ST6GALNAC3: variants seen among roughly 807,000 people sequenced by gnomAD.
The protein encoded by ST6GALNAC3 is ST6 N-acetylgalactosaminide alpha-2,6-sialyltransferase 3, also known as alpha-N-acetylgalactosaminide alpha-2,6-sialyltransferase 3.
Under a neutral mutation model 32.7 loss-of-function variants are expected in ST6GALNAC3, and 25 were observed. That is an observed-to-expected ratio of 0.76 (90% CI 0.56 to 1.07). ST6GALNAC3 has a LOEUF of 1.07. Ranked by LOEUF, ST6GALNAC3 falls within the 50% of genes least tolerant of loss-of-function variation. The pLI is 0.00. For missense variants in ST6GALNAC3, 355 were observed against 382.4 expected (o/e 0.93, Z 0.60); for synonymous variants, 129 against 133.1 (o/e 0.97, Z 0.21).
intron 1 of ST6GALNAC3, among the ~76,000 whole-genome samples, chr1:76,312,912 A>G (rs1570784502): frequency 6.6e-6 from 1 of 152,166 alleles, no homozygotes; most frequent in Admixed American, 6.5e-5. Context: ...CATATCTGTC[A>G]ATTAAAACAC....
chr1:76,083,059 C>T (rs759975219), intron 1 of ST6GALNAC3, among the ~76,000 whole-genome samples: 1 of 152,174 alleles, frequency 6.6e-6, no homozygotes, highest in Non-Finnish European at 1.5e-5. Flanking sequence ...AATTTATTGG[C>T]TGTGCATTTA....
chr1:76,135,024 C>A (rs1649850184), intron 1 of ST6GALNAC3, among the ~76,000 whole-genome samples: 1 of 152,014 alleles, frequency 6.6e-6, no homozygotes, highest in African/African-American at 2.4e-5. Context: ...CACCTGTAAT[C>A]CCAGCTACTT....
At chr1:76,624,083 G>T (rs1004408933) in intron 3 of ST6GALNAC3, among the ~76,000 whole-genome samples, 9 of 151,904 alleles carry the variant, frequency 5.9e-5, no homozygotes, top group Admixed American at 3.9e-4. Flanking sequence ...GAGGCATCAG[G>T]GAAAGGAACT....
chr1:76,605,151 G>A (rs1570426987), intron 3 of ST6GALNAC3, among the ~76,000 whole-genome samples: 1 of 152,182 alleles, frequency 6.6e-6, no homozygotes, highest in South Asian at 2.1e-4. Context: ...AACGTGTTAG[G>A]TTATACATGG....
intron 3 of ST6GALNAC3, among the ~76,000 whole-genome samples, chr1:76,455,129 C>G: frequency 6.6e-6 from 1 of 151,976 alleles, no homozygotes; most frequent in East Asian, 1.9e-4. Flanking sequence ...ACTACTTTTG[C>G]ATTTTCAGAT....
chr1:76,598,452 A>G (rs1265989630), intron 3 of ST6GALNAC3, among the ~76,000 whole-genome samples: 1 of 152,180 alleles, frequency 6.6e-6, no homozygotes, highest in Non-Finnish European at 1.5e-5. Flanking sequence ...CAAGGACTGG[A>G]ATATAGCTGA....
chr1:76,493,270 C>T (rs576156521), intron 3 of ST6GALNAC3, among the ~76,000 whole-genome samples: 1 of 152,266 alleles, frequency 6.6e-6, no homozygotes, highest in East Asian at 1.9e-4. Context: ...GTCCAAAAGA[C>T]ATGACTTACA....
intron 1 of ST6GALNAC3, among the ~76,000 whole-genome samples, chr1:76,290,820 C>T (rs1000684831): frequency 6.6e-6 from 1 of 152,182 alleles, no homozygotes; most frequent in Non-Finnish European, 1.5e-5. Context: ...GATGGATCAG[C>T]TGCTGTGTGT....
chr1:76,076,611 T>G (rs761304451), intron 1 of ST6GALNAC3, among the ~76,000 whole-genome samples: 1 of 152,254 alleles, frequency 6.6e-6, no homozygotes, highest in Non-Finnish European at 1.5e-5. Flanking sequence ...TGAAAAATAC[T>G]TTGTGGCACA....
intron 3 of ST6GALNAC3, among the ~76,000 whole-genome samples, chr1:76,564,402 C>A (rs1665422908): frequency 6.6e-6 from 1 of 152,028 alleles, no homozygotes; most frequent in Admixed American, 6.6e-5. Flanking sequence ...CAAGCTAGAT[C>A]CACCCTTGAA....
intron 1 of ST6GALNAC3, among the ~76,000 whole-genome samples, chr1:76,142,509 G>T (rs757496733): frequency 6.6e-6 from 1 of 152,154 alleles, no homozygotes; most frequent in African/African-American, 2.4e-5. Flanking sequence ...TTTCATGATA[G>T]GTGTGAAGTT....
At chr1:76,365,924 C>A (rs1235758116) in intron 2 of ST6GALNAC3, among the ~76,000 whole-genome samples, 1 of 152,174 alleles carries the variant, frequency 6.6e-6, no homozygotes, top group South Asian at 2.1e-4. Flanking sequence ...CCATCTCCTT[C>A]CAGTTCCTAC....
intron 3 of ST6GALNAC3, among the ~76,000 whole-genome samples, chr1:76,543,679 G>A (rs867369217): frequency 1.3e-5 from 2 of 151,984 alleles, no homozygotes; most frequent in Admixed American, 6.6e-5. Context: ...CAGAGAACTC[G>A]CCCACATTAG....
intron 2 of ST6GALNAC3, among the ~76,000 whole-genome samples, chr1:76,347,632 T>C (rs1648630639): frequency 1.3e-5 from 2 of 152,106 alleles, no homozygotes; most frequent in African/African-American, 4.8e-5. Flanking sequence ...CTGCTACTCC[T>C]GATGATATTG....
chr1:76,217,926 A>G (rs1324074871), intron 1 of ST6GALNAC3, among the ~76,000 whole-genome samples: 1 of 151,992 alleles, frequency 6.6e-6, no homozygotes, highest in African/African-American at 2.4e-5. Flanking sequence ...GCGGATGGAC[A>G]TTTGGGTTGG....
intron 3 of ST6GALNAC3, among the ~76,000 whole-genome samples, chr1:76,546,971 G>A (rs186909769): frequency 1.1e-4 from 16 of 152,306 alleles, no homozygotes; most frequent in African/African-American, 3.6e-4. Flanking sequence ...TAAAAGGATT[G>A]GATAGCTGTA....
At chr1:76,554,046 G>A (rs143743931) in intron 3 of ST6GALNAC3, among the ~76,000 whole-genome samples, 2 of 152,270 alleles carry the variant, frequency 1.3e-5, no homozygotes, top group East Asian at 3.9e-4. Flanking sequence ...TCAAGTATTT[G>A]TGAACCAAAT....
intron 1 of ST6GALNAC3, among the ~76,000 whole-genome samples, chr1:76,092,659 T>G (rs1029310025): frequency 6.6e-6 from 1 of 152,174 alleles, no homozygotes; most frequent in East Asian, 1.9e-4. Context: ...GGCCCCATGC[T>G]TGGTGTAATA....
intron 3 of ST6GALNAC3, among the ~76,000 whole-genome samples, chr1:76,428,381 C>T (rs972627609): frequency 6.6e-5 from 10 of 151,934 alleles, no homozygotes; most frequent in Non-Finnish European, 1.5e-4. Context: ...CTTAAGGTCA[C>T]AAAAAATGAG....
Sources: gnomAD v4.1 joint callset for allele counts (sites outside exome capture counted in the v4.1 genomes callset) on GRCh38, gnomAD v4.1.1 for gene constraint, MANE v1.5 for transcripts, NCBI Gene and HGNC (gene_info 2026-07-23, HGNC 2026-07-21) for gene names.